FYTTD1: variants seen among roughly 807,000 people sequenced by gnomAD.
The protein encoded by FYTTD1 is UAP56-interacting factor.
In FYTTD1, 22 loss-of-function variants were observed where a neutral mutation model predicts 40.9. That is an observed-to-expected ratio of 0.54 (90% CI 0.38 to 0.77). The LOEUF (loss-of-function observed/expected upper bound fraction) is 0.77. Ranked by LOEUF, FYTTD1 falls within the 30% of genes least tolerant of loss-of-function variation. The pLI, the probability that FYTTD1 is intolerant of heterozygous loss-of-function variation, is 0.00. For synonymous variants in FYTTD1, 140 were observed against 137.9 expected, an observed-to-expected ratio of 1.01 and a Z score of -0.10; for missense variants, 351 against 392.2, an observed-to-expected ratio of 0.90 and a Z score of 0.89.
At chr3:197,755,787 C>T (rs370785617) in intron 1 of FYTTD1, 241 of 1,550,654 alleles carry the variant, frequency 1.6e-4, no homozygotes, top group Middle Eastern at 5.0e-4. Flanking sequence ...CATGCCTGGC[C>T]GGAAGGGGGT....
At chr3:197,772,923 T>G (rs1729760236) in intron 4 of FYTTD1, among the ~76,000 whole-genome samples, 1 of 152,206 alleles carries the variant, frequency 6.6e-6, no homozygotes, top group South Asian at 2.1e-4. Flanking sequence ...TGGTTTATGT[T>G]AATACATAAT....
rs762581038 is a variant in FYTTD1 at position 197,773,518 on chromosome 3, A to G, written c.594+19A>G. The G allele has an allele frequency of 1.7e-5, 20 of 1,171,314 alleles. No homozygotes were observed. In the Admixed American group the frequency reaches 3.9e-4, roughly 23 times the overall value. 72.6% of individuals were successfully genotyped at this position (1,171,314 alleles called of 1,614,324 possible). On this transcript the variant is annotated intron_variant, in intron 5 of 8. Coordinates refer to ENST00000241502, the MANE Select transcript of FYTTD1 (RefSeq NM_032288.7). The stretch of plus-strand genomic sequence containing the variant: ...CCTGAAGGTATTTAAAAACTTTGGC[A>G]GTGTTTTTGTTTGTTTGTTTGTTTT...
intron 6 of FYTTD1, 53 bp from the exon 7 acceptor site, chr3:197,776,874 T>C (rs767114562): frequency 3.4e-6 from 4 of 1,175,140 alleles, no homozygotes; most frequent in Non-Finnish European, 5.0e-6. Flanking sequence ...TGAATATACA[T>C]AGGGTTTATC....
chr3:197,768,603 A>C lies in FYTTD1; in HGVS notation c.384+16A>C, dbSNP rs767481283. 2 of 1,598,164 alleles carry C rather than the reference A, an allele frequency of 1.3e-6. No homozygotes were observed. The highest frequency in any genetic ancestry group is 1.7e-6 in the Non-Finnish European group (2 of 1,169,360). The stretch of plus-strand genomic sequence containing the variant: ...AAGTGACAAGGTAGGATGATGGCTT[A>C]ATCCTGGATTAGATATCCTTTTCCT... On this transcript the variant is annotated intron_variant, in intron 3 of 8. Transcript: ENST00000241502.
intron 8 of FYTTD1, among the ~76,000 whole-genome samples, chr3:197,778,703 A>G (rs1273150947): frequency 6.6e-6 from 1 of 152,196 alleles, no homozygotes; most frequent in African/African-American, 2.4e-5. Flanking sequence ...AGGTTCATCT[A>G]TATTGTATGC....
chr3:197,750,694 A>T, intron 1 of FYTTD1: 6 of 985,394 alleles, frequency 6.1e-6, no homozygotes, highest in Non-Finnish European at 7.2e-6. Flanking sequence ...CGCCTGTGGG[A>T]TGTGGTTGTG....
rs193231120 is a variant in FYTTD1, at chr3:197,782,215, T to A, written c.*306T>A. 1.0e-5 allele frequency: 2 copies of A among 199,314 alleles called. No homozygotes were observed. Among genetic ancestry groups the A allele is most frequent in the African/African-American group, 2.3e-5 (1 of 43,240 alleles). 12.3% of individuals were successfully genotyped at this position (199,314 alleles called of 1,614,324 possible). A position where few individuals can be genotyped will look rare whatever the true frequency, so the allele number is the denominator to read the frequency against. ...AGACAGAAAGATAGAAATTGATTAT[T>A]TTTATGATAGCAGTATTCAGGATCT... is the stretch of plus-strand genomic sequence containing the variant. On this transcript the variant is annotated 3_prime_UTR_variant, in exon 9 of 9. Coordinates refer to ENST00000241502, the MANE Select transcript of FYTTD1 (RefSeq NM_032288.7).
chr3:197,779,483 T>C (rs552414644), intron 8 of FYTTD1, among the ~76,000 whole-genome samples: 1 of 151,152 alleles, frequency 6.6e-6, no homozygotes, highest in Non-Finnish European at 1.5e-5. Context: ...CCTATAATTT[T>C]GCTAAATTCA....
At chr3:197,780,530 A>G (rs987812730) in intron 8 of FYTTD1, among the ~76,000 whole-genome samples, 1 of 152,102 alleles carries the variant, frequency 6.6e-6, no homozygotes, top group South Asian at 2.1e-4. Flanking sequence ...ACCATTTAGT[A>G]TGATATTAGG....
intron 1 of FYTTD1, among the ~76,000 whole-genome samples, chr3:197,751,202 T>C (rs1729027549): frequency 6.6e-6 from 1 of 152,230 alleles, no homozygotes; most frequent in East Asian, 1.9e-4. Flanking sequence ...TCTGGAACGT[T>C]TTTGGTTCCA....
intron 2 of FYTTD1, chr3:197,763,654 A>C (rs927013230): frequency 3.5e-6 from 1 of 284,678 alleles, no homozygotes; most frequent in African/African-American, 2.3e-5. Context: ...GAGACTAAAA[A>C]GTTTGAGAAT....
At position 197,786,405 on chromosome 3, in the gene FYTTD1, G is replaced by T. The variant is rs941837847; in HGVS notation, c.*4496G>T. The T allele has an allele frequency of 6.6e-6, 1 of 151,848 alleles. No individual in the cohort carries two copies. The highest frequency in any genetic ancestry group is 1.5e-5 in the Non-Finnish European group (1 of 67,954). 9.4% of individuals were successfully genotyped at this position (151,848 alleles called of 1,614,324 possible). A position where few individuals can be genotyped will look rare whatever the true frequency, so the allele number is the denominator to read the frequency against. ...GCTGGGATTACAGGTGTGAGCCACC[G>T]CACCCAGCCTACAGCTTATTTTCTA... is the stretch of plus-strand genomic sequence containing the variant. On this transcript the variant is annotated 3_prime_UTR_variant, in exon 9 of 9. Transcript: ENST00000241502.
At chr3:197,766,430 G>GGTGTGTGTGTGT (rs111725145) in intron 2 of FYTTD1, among the ~76,000 whole-genome samples, 5,864 of 134,976 alleles carry the variant, frequency 0.043, 332 homozygotes, top group African/African-American at 0.12. Context: ...GTTTGAGACT[G>GGTGTGTGTGTGT]GTGTGTGTGT....
At chr3:197,759,035 A>G (rs959312530) in intron 2 of FYTTD1, among the ~76,000 whole-genome samples, 7 of 152,244 alleles carry the variant, frequency 4.6e-5, no homozygotes, top group Non-Finnish European at 8.8e-5. Flanking sequence ...GGTAGAATGT[A>G]TAGAGTTGTT....
intron 2 of FYTTD1, among the ~76,000 whole-genome samples, chr3:197,762,127 C>CA (rs1429591612): frequency 6.6e-6 from 1 of 152,142 alleles, no homozygotes; most frequent in Non-Finnish European, 1.5e-5. Context: ...CTGTTAATAC[C>CA]ATCACATTAA....
intron 7 of FYTTD1, 40 bp downstream of exon 7, chr3:197,777,041 C>G: frequency 1.7e-6 from 2 of 1,195,444 alleles, no homozygotes; most frequent in Non-Finnish European, 2.5e-6. Context: ...TATAACCTCT[C>G]ATTACATGAG....
intron 2 of FYTTD1, among the ~76,000 whole-genome samples, chr3:197,763,961 T>G (rs1290791158): frequency 1.3e-5 from 2 of 152,256 alleles, no homozygotes; most frequent in African/African-American, 4.8e-5. Flanking sequence ...CTGGCGGTAC[T>G]TTATTTCTAC....
chr3:197,762,157 T>A (rs1729407350), intron 2 of FYTTD1, among the ~76,000 whole-genome samples: 1 of 152,220 alleles, frequency 6.6e-6, no homozygotes, highest in East Asian at 1.9e-4. Context: ...TTTCAACATG[T>A]GAATTTTGGA....
intron 2 of FYTTD1, among the ~76,000 whole-genome samples, 176 bp downstream of exon 2, chr3:197,756,733 A>G (rs950358367): frequency 2.6e-5 from 4 of 152,252 alleles, no homozygotes; most frequent in Non-Finnish European, 5.9e-5. Context: ...GTAGCCTTCA[A>G]TAGACGTAAC....
Sources: gnomAD v4.1 joint callset for allele counts (sites outside exome capture counted in the v4.1 genomes callset) on GRCh38, gnomAD v4.1.1 for gene constraint, MANE v1.5 for transcripts, NCBI Gene and HGNC (gene_info 2026-07-23, HGNC 2026-07-21) for gene names.